Variants in ACOX3 observed in about 807,000 individuals in gnomAD.
ACOX3 encodes the protein peroxisomal acyl-coenzyme A oxidase 3.
In ACOX3, 73 loss-of-function variants were observed where a neutral mutation model predicts 81.5. That is an observed-to-expected ratio of 0.90 (90% confidence interval 0.74 to 1.09). The LOEUF is 1.09. Ranked by LOEUF, ACOX3 falls within the 50% of genes least tolerant of loss-of-function variation. ACOX3 has a pLI of 0.00. For synonymous variants in ACOX3, 387 were observed against 375.1 expected (o/e 1.03, Z -0.37); for missense variants, 947 against 928.0 (o/e 1.02, Z -0.27).
intron 1 of ACOX3, among the ~76,000 whole-genome samples, chr4:8,426,402 G>A (rs1723486041): frequency 6.6e-6 from 1 of 152,046 alleles, no homozygotes; most frequent in East Asian, 1.9e-4. Flanking sequence ...CAAAAATTCA[G>A]GAGACAACGC....
rs1322079814 is a variant in ACOX3, at chr4:8,385,871, C to A, written c.1537+3302G>T. On this transcript the variant is annotated intron_variant, in intron 13 of 17. Coordinates refer to ENST00000356406, the MANE Select transcript of ACOX3 (RefSeq NM_003501.3). The surrounding 1 kb of genome is among the most constrained non-coding windows in gnomAD (Gnocchi z 5.5). ...ACCAAATGCCCTTGAGACGATGGGG[C>A]TGGCAGAACCCACAAGCTTCCCTGC... is the stretch of plus-strand genomic sequence containing the variant. 6.6e-6 allele frequency among the ~76,000 whole-genome samples: 1 copy of A among 152,240 alleles called. No homozygotes were observed. Among genetic ancestry groups the A allele is most frequent in the Non-Finnish European group, 1.5e-5 (1 of 68,048 alleles).
Position 8,389,288 on chromosome 4 carries a change from T to G in ACOX3, c.1424-2A>C. On this transcript the variant is annotated splice_acceptor_variant, in intron 12 of 17. Coordinates refer to ENST00000356406, the MANE Select transcript of ACOX3 (RefSeq NM_003501.3). LOFTEE classifies it high-confidence loss of function. This position sits in a 1 kb window ranked among gnomAD's most constrained non-coding sequence, Gnocchi z 5.3. ...GCGGACTGCGGAAGCAAGCTCCATC[T>G]AGGACACACATTCCAGTGACTTTGG... The G allele has an allele frequency of 6.2e-7, 1 of 1,611,060 alleles. No homozygotes were observed. The highest frequency in any genetic ancestry group is 8.5e-7 in the Non-Finnish European group (1 of 1,178,448).
intron 13 of ACOX3, among the ~76,000 whole-genome samples, chr4:8,387,720 G>A (rs994901612): frequency 6.6e-6 from 1 of 152,224 alleles, no homozygotes; most frequent in Non-Finnish European, 1.5e-5. Context: ...CACTGGGCAA[G>A]AAGCATCCAG....
At chr4:8,387,354 G>A (rs762937921) in intron 13 of ACOX3, among the ~76,000 whole-genome samples, 1 of 152,198 alleles carries the variant, frequency 6.6e-6, no homozygotes, top group Non-Finnish European at 1.5e-5. Context: ...AACCCCGGCA[G>A]CCTGGCGGGA....
chr4:8,374,649 G>T, intron 15 of ACOX3: 1 of 255,720 alleles, frequency 3.9e-6, no homozygotes, highest in Non-Finnish European at 7.4e-6. Context: ...CCTGGCTCGT[G>T]TCTGTCTGTG....
intron 1 of ACOX3, among the ~76,000 whole-genome samples, chr4:8,428,661 G>A (rs1213156120): frequency 6.6e-6 from 1 of 152,246 alleles, no homozygotes; most frequent in Admixed American, 6.5e-5. Flanking sequence ...ACCGACTCTG[G>A]CGAGTCGCTG....
At chr4:8,392,092 T>C (rs1410713857) in intron 11 of ACOX3, among the ~76,000 whole-genome samples, 1 of 152,238 alleles carries the variant, frequency 6.6e-6, no homozygotes, top group Non-Finnish European at 1.5e-5. Context: ...TTTTCAGCTC[T>C]GTAAGCCACA....
rs963355584 is a variant in ACOX3, at chr4:8,424,593, C to T, written c.-14-8058G>A. 5.3e-5 allele frequency among the ~76,000 whole-genome samples: 8 copies of T among 152,126 alleles called. No individual in the cohort carries two copies. The South Asian group carries it at 1.0e-3, about 20-fold the overall frequency. ...CTGTGTGGATGTCTCATGATGTGGACGGCATACTCACTGCTAAAGGAGACT... is the reference window on the plus strand; with the variant it reads ...CTGTGTGGATGTCTCATGATGTGGATGGCATACTCACTGCTAAAGGAGACT... On this transcript the variant is annotated intron_variant, in intron 1 of 17. Transcript: ENST00000356406.
At chr4:8,396,851 C>T in intron 9 of ACOX3, 86 bp downstream of exon 9, 1 of 1,495,712 alleles carries the variant, frequency 6.7e-7, no homozygotes, top group Non-Finnish European at 9.1e-7. Flanking sequence ...TGATCAACTC[C>T]CAGTAACCAA....
Position 8,394,988 on chromosome 4 carries a change from G to A in ACOX3, c.1057-246C>T, listed in dbSNP as rs1317737991. On this transcript the variant is annotated intron_variant, in intron 9 of 17. Coordinates refer to ENST00000356406, the MANE Select transcript of ACOX3 (RefSeq NM_003501.3). The surrounding 1 kb of genome is among the most constrained non-coding windows in gnomAD (Gnocchi z 5.9). ...CTCAAACGCAATTCGCTAAATGGCC[G>A]CTATTCACAGCTGTCCCATCAAAGT... 1.9e-5 allele frequency: 7 copies of A among 377,012 alleles called. No individual in the cohort carries two copies. The highest frequency in any genetic ancestry group is 4.1e-5 in the Admixed American group (1 of 24,594). 23.4% of individuals were successfully genotyped at this position (377,012 alleles called of 1,614,324 possible).
Position 8,366,687 on chromosome 4 carries a change from T to C in ACOX3, c.*274A>G, listed in dbSNP as rs182387713. On this transcript the variant is annotated 3_prime_UTR_variant, in exon 18 of 18. Transcript: ENST00000356406. ...CCTGAAAACTGAATGTGCGAAATTC[T>C]AATTATCAAAAAACCCACGGCGCAT... 9 of 267,872 alleles carry C rather than the reference T, an allele frequency of 3.4e-5. No individual in the cohort carries two copies. The highest frequency in any genetic ancestry group is 2.5e-3 in the Middle Eastern group (2 of 816). 16.6% of individuals were successfully genotyped at this position (267,872 alleles called of 1,614,324 possible).
At chr4:8,379,093 C>CA (rs1269545542) in intron 14 of ACOX3, among the ~76,000 whole-genome samples, 1 of 152,234 alleles carries the variant, frequency 6.6e-6, no homozygotes, top group Non-Finnish European at 1.5e-5. Context: ...CGTGGGCTTC[C>CA]ACAGGCTGCT....
rs1048264611 is a variant in ACOX3, at chr4:8,385,215, G to A, written c.1538-3608C>T. Reference sequence around the variant, plus strand: ...CCTCTGGGAGCACTGTCTGCACCACGAACCCCACTGCTCACCTCATATGAC... The same window carrying A: ...CCTCTGGGAGCACTGTCTGCACCACAAACCCCACTGCTCACCTCATATGAC... On this transcript the variant is annotated intron_variant, in intron 13 of 17. Transcript: ENST00000356406. This position sits in a 1 kb window ranked among gnomAD's most constrained non-coding sequence, Gnocchi z 5.5. 2.0e-5 allele frequency among the ~76,000 whole-genome samples: 3 copies of A among 152,024 alleles called. No individual in the cohort carries two copies. Among genetic ancestry groups the A allele is most frequent in the African/African-American group, 2.4e-5 (1 of 41,386 alleles).
the ACOX3 span, chr4:8,356,887 A>C: frequency 6.6e-6 from 3 of 452,508 alleles, no homozygotes; most frequent in Non-Finnish European, 1.3e-5. Context: ...AGCAGGGGAG[A>C]GGAAGAAAGT....
At chr4:8,428,557 C>T (rs975315442) in intron 1 of ACOX3, 1 of 152,304 alleles carries the variant, frequency 6.6e-6, no homozygotes, top group Non-Finnish European at 1.5e-5. Flanking sequence ...GAAACGCGGA[C>T]GCCGCTGCCA....
Position 8,415,967 on chromosome 4 carries a change from A to G in ACOX3, c.177T>C (p.Pro59=), listed in dbSNP as rs1722288432. Reference sequence around the variant, plus strand: ...CGGCTCCAGGGGAACGAGCGAAAAGAGGGTCATTCTCAAGAGCTGAGAAGA... The same window carrying G: ...CGGCTCCAGGGGAACGAGCGAAAAGGGGGTCATTCTCAAGAGCTGAGAAGA... The part of the protein sequence containing the change: ...KTIFSALEND[P]LFARSPGADL... Residue 59 remains proline (P), a synonymous_variant, in exon 3 of 18, where the codon CCT becomes CCC. Coordinates refer to ENST00000356406, the MANE Select transcript of ACOX3 (RefSeq NM_003501.3). The G allele has an allele frequency of 5.6e-6, 9 of 1,614,186 alleles. No homozygotes were observed. Among genetic ancestry groups the G allele is most frequent in the South Asian group, 2.2e-5 (2 of 91,080 alleles).
rs1434906285 is a variant in ACOX3, at chr4:8,414,173, T to C, written c.543+119A>G. The C allele has an allele frequency of 3.6e-6, 3 of 833,128 alleles. No individual in the cohort carries two copies. Among genetic ancestry groups the C allele is most frequent in the East Asian group, 2.5e-5 (1 of 40,670 alleles). 51.6% of individuals were successfully genotyped at this position (833,128 alleles called of 1,614,324 possible). On this transcript the variant is annotated intron_variant, in intron 5 of 17. Coordinates refer to ENST00000356406, the MANE Select transcript of ACOX3 (RefSeq NM_003501.3). The surrounding 1 kb of genome is among the most constrained non-coding windows in gnomAD (Gnocchi z 6.1). ...ATCTCAGTGGGTATTTCTACACAAG[T>C]GTATGTGGACAGGCCTCTTGCTTTA...
Position 8,399,603 on chromosome 4 carries a change from G to A in ACOX3, c.826C>T (p.Arg276Trp), listed in dbSNP as rs757530896. 8 of 1,614,154 alleles carry A rather than the reference G, an allele frequency of 5.0e-6. No homozygotes were observed. The highest frequency in any genetic ancestry group is 4.5e-5 in the East Asian group (2 of 44,866). The change falls in exon 8 of 18, where the codon CGG becomes TGG. Residue 276 changes from arginine to tryptophan, a missense_variant. Arg to Trp is a moderately radical substitution (Grantham distance 101, BLOSUM62 -3). Coordinates refer to ENST00000356406, the MANE Select transcript of ACOX3 (RefSeq NM_003501.3). This position sits in a 1 kb window ranked among gnomAD's most constrained non-coding sequence, Gnocchi z 4.9. ...VRVPRQSLLN[R>W]MGDVTPEGTY... ...CCCTCGGGGGTGACGTCTCCCATCCGGTTCAGAAGGCTCTGGCGAGGAACT... is the reference window on the plus strand; with the variant it reads ...CCCTCGGGGGTGACGTCTCCCATCCAGTTCAGAAGGCTCTGGCGAGGAACT...
intron 10 of ACOX3, 63 bp from the exon 11 acceptor site, chr4:8,392,516 A>G: frequency 1.4e-6 from 2 of 1,454,362 alleles, no homozygotes; most frequent in Non-Finnish European, 1.8e-6. Flanking sequence ...AAAAGTCATA[A>G]GTCAGCAATA....
Sources: allele counts gnomAD v4.1 joint callset (sites outside exome capture counted in the v4.1 genomes callset), GRCh38; gene constraint gnomAD v4.1.1; non-coding constraint Gnocchi (gnomAD v3.1); transcripts MANE v1.5; gene names NCBI Gene and HGNC (gene_info 2026-07-23, HGNC 2026-07-21).